The following TMEM254 variants were observed in gnomAD, a reference collection of about 807,000 sequenced individuals.
TMEM254 encodes transmembrane protein 254.
TMEM254 carries 16 observed loss-of-function variants against 13.9 expected under a neutral mutation model. That is an observed-to-expected ratio of 1.15 (90% CI 0.78 to 1.75). The LOEUF is 1.75. Ranked by LOEUF, TMEM254 falls within the 40% of genes most tolerant of loss-of-function variation. The pLI, the probability that TMEM254 is intolerant of heterozygous loss-of-function variation, is 0.00. For synonymous variants in TMEM254, 61 were observed against 56.4 expected (o/e 1.08, Z -0.36); for missense variants, 155 against 149.0 (o/e 1.04, Z -0.21).
chr10:80,079,362 T>A (rs886909526), intron 1 of TMEM254: 2 of 1,176,058 alleles, frequency 1.7e-6, no homozygotes, highest in Non-Finnish European at 2.1e-6. Flanking sequence ...AGTGTTCCTG[T>A]CTTTGGGTCC....
At chr10:80,081,694 G>T in intron 1 of TMEM254, 147 bp from the exon 2 acceptor site, 18 of 1,595,806 alleles carry the variant, frequency 1.1e-5, no homozygotes, top group Non-Finnish European at 1.5e-5. Flanking sequence ...GAAAATAGAA[G>T]CCAAGAATGG....
intron 1 of TMEM254, 127 bp from the exon 2 acceptor site, chr10:80,081,714 T>C (rs1844036775): frequency 6.2e-7 from 1 of 1,608,636 alleles, no homozygotes; most frequent in Non-Finnish European, 8.5e-7. Context: ...GAGACCCAAA[T>C]GACTGTTCAG....
rs904771218 is a variant in TMEM254, at chr10:80,078,725, A to G, written c.26A>G (p.Tyr9Cys). 2 of 1,606,992 alleles carry G rather than the reference A, an allele frequency of 1.2e-6. No individual in the cohort carries two copies. Among genetic ancestry groups the G allele is most frequent in the South Asian group, 2.2e-5 (2 of 90,032 alleles). The change falls in exon 1 of 4, where the codon TAC (tyrosine) becomes TGC (cysteine). Residue 9 changes from tyrosine to cysteine, a missense_variant. By Grantham distance (194) the Tyr-to-Cys change is radical. Coordinates refer to ENST00000372281, the MANE Select transcript of TMEM254 (RefSeq NM_025125.4). MATAAGAT[Y>C]FQRGSLFWFT... ...ATGGCTACGGCAGCCGGCGCGACCT[A>G]CTTTCAGCGAGGCAGTCTGTTCTGG...
intron 3 of TMEM254, chr10:80,090,314 G>A (rs1844518360): frequency 2.8e-6 from 2 of 713,092 alleles, no homozygotes; most frequent in South Asian, 1.5e-5. Context: ...AGCATGTTGT[G>A]TGTATTATCC....
At chr10:80,086,579 A>G (rs1398689899) in intron 3 of TMEM254, 1 of 164,688 alleles carries the variant, frequency 6.1e-6, no homozygotes, top group African/African-American at 2.4e-5. Flanking sequence ...GCGGTGGCTC[A>G]CGCCTGTAAT....
chr10:80,085,763 T>TA (rs1844286121), intron 3 of TMEM254, among the ~76,000 whole-genome samples: 1 of 152,160 alleles, frequency 6.6e-6, no homozygotes, highest in Non-Finnish European at 1.5e-5. Context: ...ACAAGAAAAA[T>TA]AGAATGTTTT....
chr10:80,090,417 C>T (rs1460804270), intron 3 of TMEM254: 2 of 717,406 alleles, frequency 2.8e-6, no homozygotes, highest in Admixed American at 2.0e-5. Flanking sequence ...GAGTGATTTG[C>T]CCAGGTCACA....
intron 1 of TMEM254, among the ~76,000 whole-genome samples, chr10:80,080,973 T>C (rs1843981751): frequency 6.6e-6 from 1 of 152,152 alleles, no homozygotes; most frequent in East Asian, 1.9e-4. Flanking sequence ...CCAGCTACTC[T>C]GGAGGCTGAG....
intron 3 of TMEM254, chr10:80,086,152 T>G: frequency 1.1e-6 from 1 of 902,482 alleles, no homozygotes; most frequent in Non-Finnish European, 1.6e-6. Flanking sequence ...TGCATCTGCT[T>G]GGGTCTTGGT....
chr10:80,086,290 C>T, intron 3 of TMEM254: 1 of 1,449,446 alleles, frequency 6.9e-7, no homozygotes, highest in Non-Finnish European at 9.1e-7. Context: ...ATGATGACCC[C>T]AGGAAAACCC....
Position 80,078,806 on chromosome 10 carries a change from C to T in TMEM254, c.87+20C>T, listed in dbSNP as rs771366026. 1 of 1,585,208 alleles carries T rather than the reference C, an allele frequency of 6.3e-7. No homozygotes were observed. Among genetic ancestry groups the T allele is most frequent in the South Asian group, 1.1e-5 (1 of 87,552 alleles). On this transcript the variant is annotated intron_variant, in intron 1 of 3. Coordinates refer to ENST00000372281, the MANE Select transcript of TMEM254 (RefSeq NM_025125.4). Reference sequence around the variant, plus strand: ...TACACAGTAAGGACAGCCGCTGGAGCGCTACGGTCTGACGAACGAGCGAGC... The same window carrying T: ...TACACAGTAAGGACAGCCGCTGGAGTGCTACGGTCTGACGAACGAGCGAGC...
chr10:80,089,959 C>T (rs1290508753), intron 3 of TMEM254, among the ~76,000 whole-genome samples: 2 of 149,048 alleles, frequency 1.3e-5, no homozygotes, highest in Non-Finnish European at 3.0e-5. Context: ...GAGTCAAGAT[C>T]GCGCCACTGC....
chr10:80,085,757 G>T (rs1844285634), intron 3 of TMEM254, among the ~76,000 whole-genome samples: 1 of 152,098 alleles, frequency 6.6e-6, no homozygotes. Context: ...ACTTTAACAA[G>T]AAAAATAGAA....
At position 80,092,329 on chromosome 10, in the gene TMEM254, T is replaced by C. The variant is rs1465343033; in HGVS notation, c.*1412T>C. The C allele has an allele frequency of 2.0e-5, 3 of 152,212 alleles. No homozygotes were observed. The highest frequency in any genetic ancestry group is 2.0e-4 in the Admixed American group (3 of 15,288). The allele number at this position is 152,212 out of a possible 1,614,324, so 9.4% of individuals were successfully genotyped here. On this transcript the variant is annotated 3_prime_UTR_variant, in exon 4 of 4. Coordinates refer to ENST00000372281, the MANE Select transcript of TMEM254 (RefSeq NM_025125.4). Reference sequence around the variant, plus strand: ...GTAGAGATAAATTTCTGCAAACATATCTCAGTCTTCCCTCTGTTTCTCTGG... The same window carrying C: ...GTAGAGATAAATTTCTGCAAACATACCTCAGTCTTCCCTCTGTTTCTCTGG...
At position 80,091,031 on chromosome 10, in the gene TMEM254, T is replaced by C. The variant is rs1467983846; in HGVS notation, c.*114T>C. On this transcript the variant is annotated 3_prime_UTR_variant, in exon 4 of 4. Coordinates refer to ENST00000372281, the MANE Select transcript of TMEM254 (RefSeq NM_025125.4). ...TCTTTCTACTTTCTAGAAACTGTCCTTCAAAGCTCTTTAAGACCCCCTCGT... is the reference window on the plus strand; with the variant it reads ...TCTTTCTACTTTCTAGAAACTGTCCCTCAAAGCTCTTTAAGACCCCCTCGT... The C allele has an allele frequency of 7.1e-7, 1 of 1,404,832 alleles. No homozygotes were observed. 87.0% of individuals were successfully genotyped at this position (1,404,832 alleles called of 1,614,324 possible).
At chr10:80,080,096 A>G (rs1185298822) in intron 1 of TMEM254, among the ~76,000 whole-genome samples, 1 of 152,222 alleles carries the variant, frequency 6.6e-6, no homozygotes, top group Non-Finnish European at 1.5e-5. Context: ...AAAATTTTCA[A>G]AGGTGCATTT....
chr10:80,084,612 T>G (rs1027961157), intron 3 of TMEM254, among the ~76,000 whole-genome samples: 1 of 152,142 alleles, frequency 6.6e-6, no homozygotes, highest in Non-Finnish European at 1.5e-5. Flanking sequence ...ATGGTTCTGT[T>G]GAGGCCATTC....
At chr10:80,089,382 T>C (rs1844465685) in intron 3 of TMEM254, among the ~76,000 whole-genome samples, 1 of 152,088 alleles carries the variant, frequency 6.6e-6, no homozygotes, top group Non-Finnish European at 1.5e-5. Flanking sequence ...TAAAAATGGA[T>C]GTTGGATGTG....
chr10:80,088,374 G>T (rs1225486423), intron 3 of TMEM254, among the ~76,000 whole-genome samples: 1 of 151,760 alleles, frequency 6.6e-6, no homozygotes, highest in African/African-American at 2.4e-5. Context: ...AAGATGTTGA[G>T]ATTTTCATTG....
Sources: allele counts gnomAD v4.1 joint callset (sites outside exome capture counted in the v4.1 genomes callset), GRCh38; gene constraint gnomAD v4.1.1; transcripts MANE v1.5; gene names NCBI Gene and HGNC (gene_info 2026-07-23, HGNC 2026-07-21).